CTNND2: variants seen among roughly 807,000 people sequenced by gnomAD.
CTNND2 encodes catenin delta 2.
CTNND2 carries 22 observed loss-of-function variants against 144.4 expected under a neutral mutation model. That is an observed-to-expected ratio of 0.15 (90% CI 0.11 to 0.22). The LOEUF (loss-of-function observed/expected upper bound fraction) is 0.22. CTNND2 is among the 10% of genes least tolerant of loss of function. CTNND2 has a pLI of 1.00. For synonymous variants in CTNND2, 751 were observed against 695.6 expected, an observed-to-expected ratio of 1.08 and a Z score of -1.25; for missense variants, 1,353 against 1,618.8, an observed-to-expected ratio of 0.84 and a Z score of 2.82.
rs11289676 is a variant in CTNND2, at chr5:11,262,761, C to CAAAAAAAAAAAAAAAAAAAAAAAAAAAAA, written c.1629-25939_1629-25938insTTTTTTTTTTTTTTTTTTTTTTTTTTTTT. Among the ~76,000 whole-genome samples, 12 of 45,690 alleles carry CAAAAAAAAAAAAAAAAAAAAAAAAAAAAA rather than the reference C, an allele frequency of 2.6e-4. 1 individual carries two copies. The highest frequency in any genetic ancestry group is 7.5e-4 in the East Asian group (1 of 1,336). The allele number at this position is 45,690 out of a possible 152,430, so 30.0% of individuals were successfully genotyped here. On this transcript the variant is annotated intron_variant, in intron 9 of 21. Coordinates refer to ENST00000304623, the MANE Select transcript of CTNND2 (RefSeq NM_001332.4). ...TGGGTGACAGAGTAAGACTCTGTCT[C>CAAAAAAAAAAAAAAAAAAAAAAAAAAAAA]AAAAAAAAAAAAAAAAAAAAAAAAA...
At chr5:11,543,965 C>T (rs889156727) in intron 3 of CTNND2, among the ~76,000 whole-genome samples, 1 of 152,096 alleles carries the variant, frequency 6.6e-6, no homozygotes. Context: ...AATCCACAAT[C>T]GGAAATCTTA....
intron 2 of CTNND2, among the ~76,000 whole-genome samples, chr5:11,648,278 C>T (rs1782467546): frequency 6.6e-6 from 1 of 151,488 alleles, no homozygotes; most frequent in Non-Finnish European, 1.5e-5. Flanking sequence ...TTAATTCTGC[C>T]TGGGAATATG....
At position 11,007,328 on chromosome 5, in the gene CTNND2, C is replaced by T. The variant is rs563995197; in HGVS notation, c.3084+10646G>A. Among the ~76,000 whole-genome samples, 5 of 152,190 alleles carry T rather than the reference C, an allele frequency of 3.3e-5. No individual in the cohort carries two copies. In the East Asian group the frequency reaches 9.7e-4, roughly 30 times the overall value. On this transcript the variant is annotated intron_variant, in intron 18 of 21. Transcript: ENST00000304623. ...GTATACTTTTATTTTATGCTACATA[C>T]CTTACCAGCGGCCAATCTGTCATCT...
chr5:11,657,105 T>C (rs1477926361), intron 2 of CTNND2, among the ~76,000 whole-genome samples: 1 of 152,068 alleles, frequency 6.6e-6, no homozygotes, highest in Non-Finnish European at 1.5e-5. Flanking sequence ...TTCTTAAAAA[T>C]GTCCTGCAGC....
intron 10 of CTNND2, among the ~76,000 whole-genome samples, chr5:11,208,398 A>C (rs1561023877): frequency 6.6e-6 from 1 of 152,176 alleles, no homozygotes; most frequent in Non-Finnish European, 1.5e-5. Flanking sequence ...TCACAAGAAA[A>C]ATAGAGAATT....
At chr5:11,115,745 A>G (rs1350640145) in intron 13 of CTNND2, among the ~76,000 whole-genome samples, 1 of 152,212 alleles carries the variant, frequency 6.6e-6, no homozygotes, top group African/African-American at 2.4e-5. Flanking sequence ...TTAAAAGATG[A>G]CAAGTGGTGC....
intron 3 of CTNND2, among the ~76,000 whole-genome samples, chr5:11,485,373 G>GTGTGTGTT (rs938521230): frequency 2.4e-5 from 3 of 125,082 alleles, no homozygotes; most frequent in African/African-American, 8.0e-5. Context: ...GTGTGTGTGT[G>GTGTGTGTT]TGCGCGCGCG....
intron 1 of CTNND2, among the ~76,000 whole-genome samples, chr5:11,742,632 G>A (rs542644485): frequency 6.6e-6 from 1 of 152,014 alleles, no homozygotes; most frequent in East Asian, 1.9e-4. Flanking sequence ...ATACCCAAGT[G>A]AATAATGAAA....
chr5:11,124,712 G>A (rs1027291999), intron 12 of CTNND2, among the ~76,000 whole-genome samples: 1 of 152,168 alleles, frequency 6.6e-6, no homozygotes, highest in African/African-American at 2.4e-5. Context: ...ACCCCTGACC[G>A]AGATTCTCAT....
chr5:11,351,339 C>A (rs1755327553), intron 8 of CTNND2, among the ~76,000 whole-genome samples: 1 of 152,100 alleles, frequency 6.6e-6, no homozygotes, highest in South Asian at 2.1e-4. Flanking sequence ...GCCCCTTTTC[C>A]CCTCAATAAG....
intron 10 of CTNND2, among the ~76,000 whole-genome samples, chr5:11,205,724 T>C (rs1737973924): frequency 6.6e-6 from 1 of 152,212 alleles, no homozygotes; most frequent in Non-Finnish European, 1.5e-5. Flanking sequence ...TTCATAAAGG[T>C]CATAATTTTT....
intron 12 of CTNND2, among the ~76,000 whole-genome samples, chr5:11,144,373 T>C (rs2149740275): frequency 6.6e-6 from 1 of 152,024 alleles, no homozygotes; most frequent in African/African-American, 2.4e-5. Flanking sequence ...CAACGGAGGG[T>C]CGGGGAGCTC....
At chr5:11,347,572 T>G (rs919654872) in intron 8 of CTNND2, among the ~76,000 whole-genome samples, 9 of 152,220 alleles carry the variant, frequency 5.9e-5, no homozygotes, top group Non-Finnish European at 1.2e-4. Context: ...ATCTTTCATT[T>G]CAGTAGAATA....
At chr5:11,548,900 A>G (rs1425147781) in intron 3 of CTNND2, among the ~76,000 whole-genome samples, 1 of 152,218 alleles carries the variant, frequency 6.6e-6, no homozygotes, top group East Asian at 1.9e-4. Context: ...AATTCTGATT[A>G]ATTTTCTTCC....
intron 1 of CTNND2, among the ~76,000 whole-genome samples, chr5:11,780,398 C>A (rs2126846330): frequency 6.6e-6 from 1 of 152,254 alleles, no homozygotes; most frequent in East Asian, 1.9e-4. Flanking sequence ...GTGCTGTCTC[C>A]CAACTTTCCC....
intron 3 of CTNND2, among the ~76,000 whole-genome samples, chr5:11,558,084 A>G (rs1175504739): frequency 6.6e-6 from 1 of 152,244 alleles, no homozygotes; most frequent in Non-Finnish European, 1.5e-5. Context: ...AGAAATCCAT[A>G]GCGAAGTTGG....
intron 8 of CTNND2, among the ~76,000 whole-genome samples, chr5:11,353,091 C>T (rs1297165620): frequency 2.8e-5 from 4 of 143,332 alleles, no homozygotes; most frequent in Non-Finnish European, 6.0e-5. Context: ...TTAACCATTC[C>T]AAGCACGTTT....
intron 1 of CTNND2, among the ~76,000 whole-genome samples, chr5:11,771,682 A>C (rs940559575): frequency 1.3e-5 from 2 of 152,140 alleles, no homozygotes; most frequent in African/African-American, 4.8e-5. Context: ...TCACTGTAAT[A>C]ACTTTCTATT....
intron 18 of CTNND2, among the ~76,000 whole-genome samples, chr5:10,996,264 G>A (rs548585280): frequency 6.6e-6 from 1 of 152,308 alleles, no homozygotes. Context: ...GGAAAATGTA[G>A]GTGCTAGAGA....
Sources: gnomAD v4.1 joint callset for allele counts (sites outside exome capture counted in the v4.1 genomes callset) on GRCh38, gnomAD v4.1.1 for gene constraint, MANE v1.5 for transcripts, NCBI Gene and HGNC (gene_info 2026-07-23, HGNC 2026-07-21) for gene names.